AGPAT3: variants seen among roughly 807,000 people sequenced by gnomAD.
AGPAT3 encodes 1-acyl-sn-glycerol-3-phosphate acyltransferase gamma.
In AGPAT3, 5 loss-of-function variants were observed where a neutral mutation model predicts 47.3. That is an observed-to-expected ratio of 0.11 (90% CI 0.06 to 0.22). The LOEUF is 0.22. Among genes scored for constraint, AGPAT3 ranks in the 10% least tolerant of loss-of-function variants. The pLI is 1.00. For synonymous variants in AGPAT3, 212 were observed against 208.3 expected (o/e 1.02, Z -0.15); for missense variants, 315 against 493.0 (o/e 0.64, Z 3.42).
At chr21:43,879,114 C>G (rs996088723) in intron 1 of AGPAT3, among the ~76,000 whole-genome samples, 6 of 152,088 alleles carry the variant, frequency 3.9e-5, no homozygotes, top group Non-Finnish European at 5.9e-5. Context: ...CTTTGGGAGG[C>G]TGAGGCAGGC....
chr21:43,877,808 T>C (rs1399434140), intron 1 of AGPAT3, among the ~76,000 whole-genome samples: 1 of 152,174 alleles, frequency 6.6e-6, no homozygotes, highest in Non-Finnish European at 1.5e-5. Context: ...CCCATCGTTG[T>C]TCTGGTATCA....
chr21:43,870,562 A>C (rs1173962285), intron 1 of AGPAT3, among the ~76,000 whole-genome samples: 3 of 151,330 alleles, frequency 2.0e-5, no homozygotes, highest in Admixed American at 2.0e-4. Flanking sequence ...AAAAAAAAAA[A>C]AAACCCAAAA....
Position 43,922,232 on chromosome 21 carries a change from C to T in AGPAT3, c.-49+18213C>T, listed in dbSNP as rs1325802720. The stretch of plus-strand genomic sequence containing the variant: ...ATGCATTTATCAGGGCCTTTCTCAG[C>T]CTGGGGACGAGGAGTGGATGTGACG... On this transcript the variant is annotated intron_variant, in intron 2 of 9. Transcript: ENST00000291572. The surrounding 1 kb of genome is among the most constrained non-coding windows in gnomAD (Gnocchi z 4.9). 6.6e-6 allele frequency among the ~76,000 whole-genome samples: 1 copy of T among 151,992 alleles called. No individual in the cohort carries two copies. The highest frequency in any genetic ancestry group is 6.6e-5 in the Admixed American group (1 of 15,250).
In AGPAT3 at chr21:43,920,817, A is replaced by G. The variant is rs2086875592; in HGVS notation, c.-49+16798A>G. The stretch of plus-strand genomic sequence containing the variant: ...CATCTCTTCATCTGTATCTTTTGTA[A>G]CATCCTTTATAAAAACCAGTAAATG... On this transcript the variant is annotated intron_variant, in intron 2 of 9. Coordinates refer to ENST00000291572, the MANE Select transcript of AGPAT3 (RefSeq NM_020132.5). This position sits in a 1 kb window ranked among gnomAD's most constrained non-coding sequence, Gnocchi z 6.1. Among the ~76,000 whole-genome samples the G allele has an allele frequency of 6.6e-6, 1 of 152,170 alleles. No homozygotes were observed. Among genetic ancestry groups the G allele is most frequent in the African/African-American group, 2.4e-5 (1 of 41,428 alleles).
intron 1 of AGPAT3, among the ~76,000 whole-genome samples, chr21:43,883,455 G>A (rs920402513): frequency 2.0e-5 from 3 of 152,218 alleles, no homozygotes; most frequent in Admixed American, 6.5e-5. Flanking sequence ...TGACATGGCC[G>A]GGGCCCTGGG....
At chr21:43,865,920 C>T (rs1437009779) in intron 1 of AGPAT3, among the ~76,000 whole-genome samples, 2 of 152,062 alleles carry the variant, frequency 1.3e-5, no homozygotes, top group Admixed American at 1.3e-4. Context: ...GGCTGCGGGG[C>T]CCGGGGTTGG....
At chr21:43,935,805 T>C (rs1310130458) in intron 2 of AGPAT3, among the ~76,000 whole-genome samples, 2 of 151,800 alleles carry the variant, frequency 1.3e-5, no homozygotes, top group African/African-American at 4.8e-5. Context: ...ACGGAGGAGC[T>C]CAGACTCAGG....
chr21:43,897,302 G>A (rs1313830653), intron 1 of AGPAT3, among the ~76,000 whole-genome samples: 1 of 152,136 alleles, frequency 6.6e-6, no homozygotes, highest in East Asian at 1.9e-4. Context: ...AGCATCCCAA[G>A]GCAGAAGAAT....
intron 2 of AGPAT3, among the ~76,000 whole-genome samples, chr21:43,918,092 T>G (rs1465256374): frequency 3.9e-4 from 49 of 125,574 alleles, no homozygotes; most frequent in Non-Finnish European, 5.9e-4. Context: ...GTGTTGTGGG[T>G]GTTGTGTTGT....
At chr21:43,889,830 G>A (rs895736645) in intron 1 of AGPAT3, among the ~76,000 whole-genome samples, 1 of 152,210 alleles carries the variant, frequency 6.6e-6, no homozygotes, top group Non-Finnish European at 1.5e-5. Flanking sequence ...GTGAGTCTTC[G>A]TCTTTTTGCT....
Position 43,985,116 on chromosome 21 carries a change from G to A in AGPAT3, c.*2724G>A, listed in dbSNP as rs370390018. On this transcript the variant is annotated 3_prime_UTR_variant, in exon 10 of 10. Coordinates refer to ENST00000291572, the MANE Select transcript of AGPAT3 (RefSeq NM_020132.5). ...GCCGGTCAAGCTCCCAGCCTGGGCCGTGGTCTCCTGGGGACGCCGCTGGCC... is the reference window on the plus strand; with the variant it reads ...GCCGGTCAAGCTCCCAGCCTGGGCCATGGTCTCCTGGGGACGCCGCTGGCC... The A allele has an allele frequency of 1.5e-4, 69 of 456,274 alleles. No individual in the cohort carries two copies. The highest frequency in any genetic ancestry group is 1.2e-3 in the African/African-American group (62 of 50,204). The allele number at this position is 456,274 out of a possible 1,614,324, so 28.3% of individuals were successfully genotyped here.
intron 1 of AGPAT3, among the ~76,000 whole-genome samples, chr21:43,885,808 G>T (rs948537754): frequency 2.7e-5 from 4 of 147,466 alleles, no homozygotes; most frequent in African/African-American, 7.3e-5. Context: ...CAGGCGAGGG[G>T]AGCCACAGGT....
At chr21:43,919,788 G>A (rs1018214372) in intron 2 of AGPAT3, 4 of 152,222 alleles carry the variant, frequency 2.6e-5, no homozygotes, top group Non-Finnish European at 5.9e-5. Context: ...CCACATCCAT[G>A]CCAGCCAAAA....
At chr21:43,907,029 C>CTTTTT (rs760824887) in intron 2 of AGPAT3, among the ~76,000 whole-genome samples, 11 of 128,808 alleles carry the variant, frequency 8.5e-5, no homozygotes, top group South Asian at 2.5e-4. Flanking sequence ...TCTTTTCTTT[C>CTTTTT]TTTTTTTTTT....
intron 4 of AGPAT3, 128 bp from the exon 5 acceptor site, chr21:43,968,990 C>T: frequency 1.0e-6 from 1 of 973,104 alleles, no homozygotes; most frequent in South Asian, 1.7e-5. Flanking sequence ...CAGCAGACCC[C>T]CTGAGCCACA....
rs780164818 is a variant in AGPAT3, at chr21:43,952,265, C to T, written c.-48-7369C>T. On this transcript the variant is annotated intron_variant, in intron 2 of 9. Transcript: ENST00000291572. This position sits in a 1 kb window ranked among gnomAD's most constrained non-coding sequence, Gnocchi z 5.6. Reference sequence around the variant, plus strand: ...TTCTCACCCGGGCTCTGACTGCAGGCGGTCTCCCTTTTTCATAAGGACACC... The same window carrying T: ...TTCTCACCCGGGCTCTGACTGCAGGTGGTCTCCCTTTTTCATAAGGACACC... 1.8e-4 allele frequency among the ~76,000 whole-genome samples: 28 copies of T among 152,096 alleles called. No individual in the cohort carries two copies. Among genetic ancestry groups the T allele is most frequent in the Non-Finnish European group, 5.9e-5 (4 of 68,018 alleles).
intron 2 of AGPAT3, among the ~76,000 whole-genome samples, chr21:43,918,446 T>C (rs2086808341): frequency 6.6e-6 from 1 of 151,990 alleles, no homozygotes; most frequent in Non-Finnish European, 1.5e-5. Context: ...TAAAGGGCTA[T>C]GTAGGAAGTG....
chr21:43,963,256 G>T (rs1357744010), intron 3 of AGPAT3, among the ~76,000 whole-genome samples: 1 of 152,202 alleles, frequency 6.6e-6, no homozygotes, highest in Non-Finnish European at 1.5e-5. Context: ...CATCCCCAAA[G>T]GAGAGAACAG....
In AGPAT3 at chr21:43,982,597, A is replaced by T. The variant is rs2089892074; in HGVS notation, c.*205A>T. On this transcript the variant is annotated 3_prime_UTR_variant, in exon 10 of 10. Coordinates refer to ENST00000291572, the MANE Select transcript of AGPAT3 (RefSeq NM_020132.5). This position sits in a 1 kb window ranked among gnomAD's most constrained non-coding sequence, Gnocchi z 6.2. The stretch of plus-strand genomic sequence containing the variant: ...GCCTCCCACAGCGCAGGGTCCCAGC[A>T]TCTCCACGCGCGCCCGTGGGAGGTG... 2 of 457,028 alleles carry T rather than the reference A, an allele frequency of 4.4e-6. No homozygotes were observed. The allele number at this position is 457,028 out of a possible 1,614,324, so 28.3% of individuals were successfully genotyped here.
Sources: allele counts gnomAD v4.1 joint callset (sites outside exome capture counted in the v4.1 genomes callset), GRCh38; gene constraint gnomAD v4.1.1; non-coding constraint Gnocchi (gnomAD v3.1); transcripts MANE v1.5; gene names NCBI Gene and HGNC (gene_info 2026-07-23, HGNC 2026-07-21).